BEGAIN: variants seen among roughly 807,000 people sequenced by gnomAD.
The protein encoded by BEGAIN is brain enriched guanylate kinase associated.
In BEGAIN, 19 loss-of-function variants were observed where a neutral mutation model predicts 35.8. The ratio of observed to expected loss-of-function variants is 0.53; its 90% CI spans 0.37 to 0.78. The LOEUF (loss-of-function observed/expected upper bound fraction) is 0.78, where lower values mean the gene tolerates loss of function less well. Among genes scored for constraint, BEGAIN ranks in the 30% least tolerant of loss-of-function variants. BEGAIN has a pLI of 0.00. For missense variants in BEGAIN, 795 were observed against 853.6 expected, an observed-to-expected ratio of 0.93 and a Z score of 0.85; for synonymous variants, 462 against 388.6, an observed-to-expected ratio of 1.19 and a Z score of -2.22.
At chr14:100,546,338 C>CCCCCCCG in intron 3 of BEGAIN, 163 bp downstream of exon 3, 1 of 450,878 alleles carries the variant, frequency 2.2e-6, no homozygotes, top group Non-Finnish European at 3.2e-6. Flanking sequence ...GGCCCTGCCC[C>CCCCCCCG]ACCCCGGCCC....
chr14:100,556,343 GC>G, intron 2 of BEGAIN, among the ~76,000 whole-genome samples: 1 of 152,254 alleles, frequency 6.6e-6, no homozygotes. Context: ...CTGCCCCGCT[GC>G]CCCCCTCTTT....
chr14:100,576,414 G>A (rs529555823), intron 1 of BEGAIN, among the ~76,000 whole-genome samples: 42 of 152,314 alleles, frequency 2.8e-4, no homozygotes, highest in Admixed American at 2.4e-3. Flanking sequence ...CGCCCAAGCT[G>A]GGGGTCAGAA....
intron 2 of BEGAIN, among the ~76,000 whole-genome samples, chr14:100,566,326 C>T (rs1193323895): frequency 1.3e-5 from 2 of 152,254 alleles, no homozygotes; most frequent in Non-Finnish European, 2.9e-5. Flanking sequence ...GTGCACCCAG[C>T]CGGGCGGGGT....
intron 1 of BEGAIN, chr14:100,578,077 G>A: frequency 2.5e-6 from 1 of 397,898 alleles, no homozygotes; most frequent in East Asian, 3.6e-5. Flanking sequence ...GGCCAGGGCT[G>A]CCTGCCAGAT....
chr14:100,559,818 G>T (rs2034077874), intron 2 of BEGAIN, among the ~76,000 whole-genome samples: 1 of 152,192 alleles, frequency 6.6e-6, no homozygotes, highest in African/African-American at 2.4e-5. Context: ...TGCGCACACA[G>T]ACACTCACAC....
rs1335472083 is a variant in BEGAIN at position 100,538,473 on chromosome 14, G to A, written c.1335C>T (p.Ile445=). ...GQWRPLSVED[I]GAYSYPVSAA... ...CGCTCACGGGGTAGGAGTAGGCGCCGATGTCCTCCACGCTCAGGGGACGCC... is the reference window on the plus strand; with the variant it reads ...CGCTCACGGGGTAGGAGTAGGCGCCAATGTCCTCCACGCTCAGGGGACGCC... The change falls in exon 7 of 7, where the codon ATC becomes ATT. Residue 445 remains isoleucine (I), a synonymous_variant. Transcript: ENST00000554140. 1.0e-5 allele frequency: 16 copies of A among 1,574,468 alleles called. No individual in the cohort carries two copies. The highest frequency in any genetic ancestry group is 2.3e-5 in the East Asian group (1 of 44,364).
chr14:100,568,758 C>A lies in BEGAIN; in HGVS notation c.43-819G>T. The A allele has an allele frequency of 1.4e-6, 1 of 730,528 alleles. No homozygotes were observed. Among genetic ancestry groups the A allele is most frequent in the Non-Finnish European group, 1.7e-6 (1 of 595,636 alleles). The allele number at this position is 730,528 out of a possible 1,614,324, so 45.3% of individuals were successfully genotyped here. On this transcript the variant is annotated intron_variant, in intron 1 of 6. Transcript: ENST00000554140. This position sits in a 1 kb window ranked among gnomAD's most constrained non-coding sequence, Gnocchi z 7.5. ...CGCGAGCGGCCCGGGCGGGATCGCA[C>A]TTCCTGCGTGGAGCTGGGGGCGCCG...
intron 2 of BEGAIN, among the ~76,000 whole-genome samples, chr14:100,551,722 C>A (rs978605666): frequency 1.3e-5 from 2 of 152,136 alleles, no homozygotes; most frequent in South Asian, 2.1e-4. Flanking sequence ...CCAAAAGTCA[C>A]CATTAGCACC....
intron 2 of BEGAIN, among the ~76,000 whole-genome samples, chr14:100,554,827 C>T (rs370190863): frequency 1.1e-4 from 17 of 152,332 alleles, no homozygotes; most frequent in African/African-American, 3.1e-4. Context: ...AGTTCCTCAC[C>T]CCAAATTCCT....
rs1201295655 is a variant in BEGAIN at position 100,573,159 on chromosome 14, T to C, written c.43-5220A>G. ...TAGCAGATGAATCCCAAGGGGCCAC[T>C]GGAGGAGGGAGCAGGTGAGTCTGGG... On this transcript the variant is annotated intron_variant, in intron 1 of 6. Coordinates refer to ENST00000554140, the MANE Select transcript of BEGAIN (RefSeq NM_001385089.1). This position sits in a 1 kb window ranked among gnomAD's most constrained non-coding sequence, Gnocchi z 4.2. Among the ~76,000 whole-genome samples, 1 of 141,490 alleles carries C rather than the reference T, an allele frequency of 7.1e-6. No individual in the cohort carries two copies. Among genetic ancestry groups the C allele is most frequent in the Non-Finnish European group, 1.5e-5 (1 of 64,968 alleles). The allele number at this position is 141,490 out of a possible 152,430, so 92.8% of individuals were successfully genotyped here.
intron 2 of BEGAIN, among the ~76,000 whole-genome samples, chr14:100,560,267 C>T (rs534363161): frequency 8.5e-5 from 13 of 152,334 alleles, no homozygotes; most frequent in Admixed American, 2.6e-4. Flanking sequence ...CCCGGCGGCC[C>T]TACCGCACTC....
chr14:100,544,462 A>C (rs2032091331), intron 4 of BEGAIN, among the ~76,000 whole-genome samples: 1 of 152,244 alleles, frequency 6.6e-6, no homozygotes, highest in African/African-American at 2.4e-5. Flanking sequence ...GTAGAAAGAA[A>C]GGAAACCTCT....
At position 100,558,753 on chromosome 14, in the gene BEGAIN, C is replaced by G. The variant is rs2139630289; in HGVS notation, c.71+9158G>C. On this transcript the variant is annotated intron_variant, in intron 2 of 6. Coordinates refer to ENST00000554140, the MANE Select transcript of BEGAIN (RefSeq NM_001385089.1). The surrounding 1 kb of genome is among the most constrained non-coding windows in gnomAD (Gnocchi z 4.6). The stretch of plus-strand genomic sequence containing the variant: ...CAGGGTATACCAGGAGCCTCACCTT[C>G]TAGGACCACCCACCACACCAGGCCC... 6.6e-6 allele frequency among the ~76,000 whole-genome samples: 1 copy of G among 152,310 alleles called. No homozygotes were observed. The highest frequency in any genetic ancestry group is 2.1e-4 in the South Asian group (1 of 4,828).
chr14:100,566,653 G>T (rs2034709091), intron 2 of BEGAIN, among the ~76,000 whole-genome samples: 1 of 152,150 alleles, frequency 6.6e-6, no homozygotes, highest in South Asian at 2.1e-4. Flanking sequence ...TCGCTCTTTG[G>T]GCCTCACCGC....
intron 2 of BEGAIN, among the ~76,000 whole-genome samples, chr14:100,561,715 C>T (rs1311445866): frequency 3.8e-5 from 5 of 132,246 alleles, no homozygotes; most frequent in Admixed American, 2.4e-4. Flanking sequence ...GCAAGACTGT[C>T]GAAAAAAAAA....
intron 1 of BEGAIN, among the ~76,000 whole-genome samples, chr14:100,584,709 G>T (rs918170709): frequency 2.0e-5 from 3 of 152,264 alleles, no homozygotes; most frequent in African/African-American, 7.2e-5. Flanking sequence ...GACTGTAATG[G>T]GTGTTAAGCT....
At chr14:100,569,073 G>A in intron 1 of BEGAIN, 1 of 378,762 alleles carries the variant, frequency 2.6e-6, no homozygotes, top group Non-Finnish European at 3.6e-6. Flanking sequence ...CCGGGGCCTC[G>A]GCCAGGCTCG....
chr14:100,587,060 C>T (rs527932393), intron 1 of BEGAIN, among the ~76,000 whole-genome samples, 189 bp downstream of exon 1: 1 of 151,844 alleles, frequency 6.6e-6, no homozygotes, highest in South Asian at 2.1e-4. Context: ...GTGCCCAGTT[C>T]CCAGGAGACC....
At chr14:100,582,357 A>C (rs893602416) in intron 1 of BEGAIN, among the ~76,000 whole-genome samples, 5 of 152,040 alleles carry the variant, frequency 3.3e-5, no homozygotes, top group African/African-American at 1.2e-4. Flanking sequence ...GTTGGCCGGG[A>C]TGGTCTTGAT....
Sources: allele counts gnomAD v4.1 joint callset (sites outside exome capture counted in the v4.1 genomes callset), GRCh38; gene constraint gnomAD v4.1.1; non-coding constraint Gnocchi (gnomAD v3.1); transcripts MANE v1.5; gene names NCBI Gene and HGNC (gene_info 2026-07-23, HGNC 2026-07-21).